The following PTPRD variants were observed in gnomAD, a reference collection of about 807,000 sequenced individuals.
PTPRD encodes the protein protein tyrosine phosphatase receptor type D, also known as receptor-type tyrosine-protein phosphatase delta.
In PTPRD, 34 loss-of-function variants were observed where a neutral mutation model predicts 214.5. That is an observed-to-expected ratio of 0.16 (90% confidence interval 0.12 to 0.21). The LOEUF is 0.21. Among genes scored for constraint, PTPRD ranks in the 10% least tolerant of loss-of-function variants. The pLI is 1.00. For missense variants in PTPRD, 2,545 were observed against 2,398.7 expected, an observed-to-expected ratio of 1.06 and a Z score of -1.27; for synonymous variants, 1,128 against 845.7, an observed-to-expected ratio of 1.33 and a Z score of -5.79.
intron 2 of PTPRD, among the ~76,000 whole-genome samples, chr9:10,579,054 C>T (rs2132310159): frequency 6.6e-6 from 1 of 152,078 alleles, no homozygotes; most frequent in Admixed American, 6.6e-5. Flanking sequence ...GGTATTTATC[C>T]TAATGCTCCT....
intron 2 of PTPRD, among the ~76,000 whole-genome samples, chr9:10,350,786 A>G (rs142416073): frequency 2.0e-3 from 298 of 152,288 alleles, no homozygotes; most frequent in African/African-American, 6.7e-3. Flanking sequence ...TCATAAAGCT[A>G]ATGGTCATCG....
At chr9:9,325,519 T>C (rs1283663908) in intron 9 of PTPRD, among the ~76,000 whole-genome samples, 2 of 152,180 alleles carry the variant, frequency 1.3e-5, no homozygotes, top group Non-Finnish European at 2.9e-5. Flanking sequence ...ATAGGAATGC[T>C]TGTTATTTTT....
intron 5 of PTPRD, among the ~76,000 whole-genome samples, chr9:9,780,161 A>G (rs1241994387): frequency 1.3e-5 from 2 of 152,138 alleles, no homozygotes; most frequent in East Asian, 3.9e-4. Flanking sequence ...CAGAACAAGA[A>G]AGCCAAATAT....
At chr9:8,458,629 CA>C (rs1330467584) in intron 33 of PTPRD, among the ~76,000 whole-genome samples, 2 of 152,192 alleles carry the variant, frequency 1.3e-5, no homozygotes, top group African/African-American at 4.8e-5. Context: ...GTACAGACAG[CA>C]AAGGACACCA....
chr9:9,990,581 G>A (rs952717566), intron 4 of PTPRD, among the ~76,000 whole-genome samples: 1 of 152,164 alleles, frequency 6.6e-6, no homozygotes, highest in African/African-American at 2.4e-5. Flanking sequence ...AATCTCAGAG[G>A]CCCAGGCCCC....
At chr9:9,034,210 A>G (rs1250966693) in intron 10 of PTPRD, among the ~76,000 whole-genome samples, 2 of 152,162 alleles carry the variant, frequency 1.3e-5, no homozygotes, top group Non-Finnish European at 2.9e-5. Flanking sequence ...ACAGAGCAGT[A>G]GAATATAGGT....
intron 8 of PTPRD, among the ~76,000 whole-genome samples, chr9:9,459,799 C>G (rs564241001): frequency 2.0e-5 from 3 of 152,008 alleles, no homozygotes; most frequent in Admixed American, 6.6e-5. Context: ...AATATGATCC[C>G]TATCAAATAA....
At chr9:9,670,955 A>T (rs765589987) in intron 7 of PTPRD, among the ~76,000 whole-genome samples, 3 of 152,120 alleles carry the variant, frequency 2.0e-5, no homozygotes, top group Non-Finnish European at 4.4e-5. Flanking sequence ...GTAGTGGAGT[A>T]GTAAGAAGAG....
intron 7 of PTPRD, among the ~76,000 whole-genome samples, chr9:9,618,895 G>A (rs1025026229): frequency 1.2e-4 from 18 of 151,896 alleles, no homozygotes; most frequent in African/African-American, 2.9e-4. Flanking sequence ...CACTTAAGTC[G>A]CAAACAAAGG....
At chr9:9,379,481 A>ATTGTT (rs1337980349) in intron 9 of PTPRD, among the ~76,000 whole-genome samples, 1 of 151,712 alleles carries the variant, frequency 6.6e-6, no homozygotes, top group Non-Finnish European at 1.5e-5. Flanking sequence ...CAGTCCTCCA[A>ATTGTT]CTTTGTTCTT....
intron 3 of PTPRD, 148 bp downstream of exon 3, chr9:10,340,815 A>G (rs568301364): frequency 6.6e-6 from 1 of 152,098 alleles, no homozygotes; most frequent in South Asian, 2.1e-4. Flanking sequence ...GTGGCACACC[A>G]TTAGTGCACT....
rs58151324 is a variant in PTPRD at position 8,426,797 on chromosome 9, GTTT to G, written c.4086+9792_4086+9794del. On this transcript the variant is annotated intron_variant, in intron 35 of 45. Transcript: ENST00000381196. ...AATGTTAGTAAAGAAAATGTCTGAGGTTTTTTTTTTTTTTTTAATGTGGGTGAA... is the reference window on the plus strand; with the variant it reads ...AATGTTAGTAAAGAAAATGTCTGAGGTTTTTTTTTTTTTAATGTGGGTGAA... Among the ~76,000 whole-genome samples the G allele has an allele frequency of 4.1e-4, 59 of 144,000 alleles. No homozygotes were observed. In the East Asian group the frequency reaches 4.2e-3, roughly 10 times the overall value. The allele number at this position is 144,000 out of a possible 152,430, so 94.5% of individuals were successfully genotyped here.
intron 9 of PTPRD, among the ~76,000 whole-genome samples, chr9:9,381,905 TAAAAA>T (rs35036506): frequency 7.5e-4 from 109 of 145,966 alleles, no homozygotes; most frequent in African/African-American, 2.5e-3. Flanking sequence ...ACTATTTCTG[TAAAAA>T]AAAAAAAATC....
intron 2 of PTPRD, among the ~76,000 whole-genome samples, chr9:10,566,882 T>G (rs750093236): frequency 6.6e-6 from 1 of 152,112 alleles, no homozygotes; most frequent in Non-Finnish European, 1.5e-5. Flanking sequence ...CTTATCCTCA[T>G]AGGAATAGTC....
chr9:9,940,766 T>G (rs2091232428), intron 4 of PTPRD, among the ~76,000 whole-genome samples: 1 of 152,200 alleles, frequency 6.6e-6, no homozygotes, highest in Non-Finnish European at 1.5e-5. Flanking sequence ...CTTCTGCACT[T>G]TCGTAAGGGT....
At chr9:8,642,019 A>C (rs1018187473) in intron 12 of PTPRD, among the ~76,000 whole-genome samples, 1 of 152,164 alleles carries the variant, frequency 6.6e-6, no homozygotes, top group Non-Finnish European at 1.5e-5. Flanking sequence ...TCCCTTTCGT[A>C]CACTATACTA....
intron 3 of PTPRD, among the ~76,000 whole-genome samples, chr9:10,250,096 A>G (rs1283384493): frequency 2.0e-5 from 3 of 152,180 alleles, no homozygotes; most frequent in African/African-American, 7.2e-5. Context: ...TTCTATTTAA[A>G]TCAAAGTACT....
intron 10 of PTPRD, among the ~76,000 whole-genome samples, chr9:9,080,413 T>C (rs186695800): frequency 1.8e-3 from 273 of 152,266 alleles, no homozygotes; most frequent in African/African-American, 6.1e-3. Flanking sequence ...AAAAGTCGCT[T>C]GCTACTACTA....
chr9:10,392,260 A>G (rs1488758738), intron 2 of PTPRD, among the ~76,000 whole-genome samples: 1 of 151,960 alleles, frequency 6.6e-6, no homozygotes, highest in Non-Finnish European at 1.5e-5. Context: ...GTCACTAGCC[A>G]CATGAGGATC....
Sources: allele counts gnomAD v4.1 joint callset (sites outside exome capture counted in the v4.1 genomes callset), GRCh38; gene constraint gnomAD v4.1.1; transcripts MANE v1.5; gene names NCBI Gene and HGNC (gene_info 2026-07-23, HGNC 2026-07-21).